The following SH3RF3 variants were observed in gnomAD, a reference collection of about 807,000 sequenced individuals.
SH3RF3 encodes SH3 domain containing ring finger 3.
In SH3RF3, 29 loss-of-function variants were observed where a neutral mutation model predicts 66.3. That is an observed-to-expected ratio of 0.44 (90% CI 0.33 to 0.60). SH3RF3 has a LOEUF of 0.60. SH3RF3 is among the 20% of genes least tolerant of loss of function. The pLI, the probability that SH3RF3 is intolerant of heterozygous loss-of-function variation, is 0.04. For synonymous variants in SH3RF3, 583 were observed against 532.0 expected (o/e 1.10, Z -1.32); for missense variants, 1,194 against 1,190.9 (o/e 1.00, Z -0.04).
chr2:109,446,084 C>T (rs558907989), intron 7 of SH3RF3, among the ~76,000 whole-genome samples: 30 of 152,182 alleles, frequency 2.0e-4, no homozygotes, highest in Non-Finnish European at 3.5e-4. Flanking sequence ...GCATCACTAA[C>T]GAGTAGTCCC....
intron 2 of SH3RF3, among the ~76,000 whole-genome samples, chr2:109,353,793 G>A (rs768776877): frequency 6.6e-5 from 10 of 152,212 alleles, no homozygotes; most frequent in Non-Finnish European, 1.3e-4. Flanking sequence ...GTGTGCATGC[G>A]TGTGTCCGTG....
intron 4 of SH3RF3, among the ~76,000 whole-genome samples, chr2:109,400,847 C>T (rs1676295921): frequency 6.6e-6 from 1 of 152,244 alleles, no homozygotes; most frequent in Admixed American, 6.5e-5. Flanking sequence ...CAGCCTGTGC[C>T]TGGGAGCCAT....
At chr2:109,465,076 T>C (rs1478800272) in intron 8 of SH3RF3, among the ~76,000 whole-genome samples, 1 of 152,266 alleles carries the variant, frequency 6.6e-6, no homozygotes, top group Non-Finnish European at 1.5e-5. Context: ...CACAATGTTG[T>C]AGCCTTTTTG....
rs141406531 is a variant in SH3RF3, at chr2:109,270,743, T to C, written c.574-76931T>C. Among the ~76,000 whole-genome samples the C allele has an allele frequency of 4.1e-3, 621 of 152,326 alleles. 1 individual carries two copies. The highest frequency in any genetic ancestry group is 0.014 in the African/African-American group (576 of 41,568). ...CGTTCCTGGACTGTTACTCCTCTTA[T>C]GTAGATTGACCTTTCTCTAGCTGGG... On this transcript the variant is annotated intron_variant, in intron 1 of 9. Transcript: ENST00000309415.
At chr2:109,273,068 A>G (rs556147369) in intron 1 of SH3RF3, among the ~76,000 whole-genome samples, 43 of 152,334 alleles carry the variant, frequency 2.8e-4, no homozygotes, top group African/African-American at 1.0e-3. Flanking sequence ...GTCAAATAGA[A>G]GTTGTTTACT....
chr2:109,145,490 T>G (rs1023279569), intron 1 of SH3RF3, among the ~76,000 whole-genome samples: 3 of 152,184 alleles, frequency 2.0e-5, no homozygotes, highest in African/African-American at 7.2e-5. Context: ...CCGCCTCCTT[T>G]CTCATCTGTG....
chr2:109,268,775 G>T (rs1280700270), intron 1 of SH3RF3, among the ~76,000 whole-genome samples: 2 of 151,688 alleles, frequency 1.3e-5, no homozygotes, highest in Non-Finnish European at 2.9e-5. Context: ...TGATGATGTC[G>T]CCTACTATAG....
intron 1 of SH3RF3, among the ~76,000 whole-genome samples, chr2:109,166,974 C>T (rs1300008879): frequency 6.6e-6 from 1 of 152,200 alleles, no homozygotes; most frequent in East Asian, 1.9e-4. Flanking sequence ...GGGCCATCCC[C>T]TTTGCCTCCA....
chr2:109,212,051 G>T (rs142609609), intron 1 of SH3RF3, among the ~76,000 whole-genome samples: 414 of 152,344 alleles, frequency 2.7e-3, no homozygotes, highest in Non-Finnish European at 4.9e-3. Context: ...GGGCTTTGCG[G>T]AATTCCAGGG....
chr2:109,426,978 A>T lies in SH3RF3; in HGVS notation c.1404-5523A>T, dbSNP rs546504979. Among the ~76,000 whole-genome samples, 1,005 of 148,726 alleles carry T rather than the reference A, an allele frequency of 6.8e-3. 6 individuals are homozygous for T. Among genetic ancestry groups the T allele is most frequent in the Middle Eastern group, 0.017 (5 of 290 alleles). On this transcript the variant is annotated intron_variant, in intron 5 of 9. Transcript: ENST00000309415. ...AGGGCAATAAAATATATATATATAT[A>T]TTTTTTTTTGAGACGAGTCTCGCTC...
intron 5 of SH3RF3, among the ~76,000 whole-genome samples, chr2:109,428,391 C>T (rs1677094790): frequency 6.6e-6 from 1 of 152,260 alleles, no homozygotes; most frequent in Admixed American, 6.5e-5. Flanking sequence ...TAAGCGAAGG[C>T]TGTGCTGTTA....
At chr2:109,330,144 G>A (rs760652082) in intron 1 of SH3RF3, among the ~76,000 whole-genome samples, 15 of 152,370 alleles carry the variant, frequency 9.8e-5, no homozygotes, top group Admixed American at 9.1e-4. Flanking sequence ...TGGGGCAGCT[G>A]TGAGATACTT....
intron 1 of SH3RF3, among the ~76,000 whole-genome samples, chr2:109,285,420 C>T (rs532043077): frequency 2.6e-5 from 4 of 152,214 alleles, no homozygotes; most frequent in South Asian, 4.1e-4. Flanking sequence ...AGGCACAAAC[C>T]GCTGATTCTC....
intron 2 of SH3RF3, among the ~76,000 whole-genome samples, chr2:109,352,602 C>A (rs941640898): frequency 6.6e-6 from 1 of 152,238 alleles, no homozygotes; most frequent in African/African-American, 2.4e-5. Flanking sequence ...CGGAGCTCCA[C>A]GTCGTTCTCT....
intron 1 of SH3RF3, among the ~76,000 whole-genome samples, chr2:109,218,057 C>T (rs565476341): frequency 2.6e-5 from 4 of 151,938 alleles, no homozygotes; most frequent in Admixed American, 6.5e-5. Flanking sequence ...CAGACAGCTG[C>T]GGGGAGGGGT....
chr2:109,365,224 A>C (rs1161836988), intron 2 of SH3RF3, among the ~76,000 whole-genome samples: 1 of 152,134 alleles, frequency 6.6e-6, no homozygotes. Flanking sequence ...GATATTCACT[A>C]TGAAGACTTA....
At chr2:109,498,913 TG>T (rs1353300904) in intron 9 of SH3RF3, among the ~76,000 whole-genome samples, 1 of 151,912 alleles carries the variant, frequency 6.6e-6, no homozygotes, top group East Asian at 1.9e-4. Flanking sequence ...AGCCCTGAGG[TG>T]GGTGCACCTG....
intron 1 of SH3RF3, among the ~76,000 whole-genome samples, chr2:109,254,763 C>T (rs893552660): frequency 2.0e-5 from 3 of 152,094 alleles, no homozygotes; most frequent in Non-Finnish European, 2.9e-5. Flanking sequence ...TTTAGTGGCT[C>T]GGGACAGTGC....
chr2:109,388,520 G>A (rs4676284), intron 3 of SH3RF3, among the ~76,000 whole-genome samples: 78,719 of 151,568 alleles, frequency 0.52, 20,837 homozygotes, highest in South Asian at 0.61. Flanking sequence ...TGTCTGAAGT[G>A]TGATGTGAGT....
Sources: gnomAD v4.1 joint callset for allele counts (sites outside exome capture counted in the v4.1 genomes callset) on GRCh38, gnomAD v4.1.1 for gene constraint, MANE v1.5 for transcripts, NCBI Gene and HGNC (gene_info 2026-07-23, HGNC 2026-07-21) for gene names.